Variants in LRRC4C observed in about 807,000 individuals in gnomAD.
LRRC4C encodes leucine-rich repeat-containing protein 4C.
A neutral mutation model predicts 33.6 loss-of-function variants in LRRC4C; 5 were observed. The ratio of observed to expected loss-of-function variants is 0.15; its 90% CI spans 0.08 to 0.31. The LOEUF (loss-of-function observed/expected upper bound fraction) is 0.31, where lower values mean the gene tolerates loss of function less well. Among genes scored for constraint, LRRC4C ranks in the 10% least tolerant of loss-of-function variants. LRRC4C has a pLI of 1.00. For synonymous variants in LRRC4C, 329 were observed against 302.0 expected, an observed-to-expected ratio of 1.09 and a Z score of -0.93; for missense variants, 560 against 796.7, an observed-to-expected ratio of 0.70 and a Z score of 3.58.
intron 2 of LRRC4C, among the ~76,000 whole-genome samples, chr11:40,681,744 A>G (rs1256370765): frequency 1.3e-5 from 2 of 152,154 alleles, no homozygotes; most frequent in African/African-American, 2.4e-5. Context: ...TACAAAAAAT[A>G]TGATGGAATA....
At chr11:40,971,588 G>T (rs891210400) in intron 1 of LRRC4C, among the ~76,000 whole-genome samples, 4 of 152,152 alleles carry the variant, frequency 2.6e-5, no homozygotes, top group African/African-American at 9.7e-5. Context: ...TGGAAAATAT[G>T]GGTTTGGAGC....
At chr11:40,502,239 CCT>C (rs1317371171) in intron 3 of LRRC4C, among the ~76,000 whole-genome samples, 1 of 152,170 alleles carries the variant, frequency 6.6e-6, no homozygotes, top group East Asian at 1.9e-4. Flanking sequence ...CCCACATTTT[CCT>C]GTCTTCTTCT....
chr11:41,013,468 C>T, intron 1 of LRRC4C, among the ~76,000 whole-genome samples: 1 of 152,090 alleles, frequency 6.6e-6, no homozygotes, highest in East Asian at 1.9e-4. Context: ...TTTGATAAAA[C>T]TAATCTGTGA....
chr11:41,338,089 T>G (rs755764907), intron 1 of LRRC4C, among the ~76,000 whole-genome samples: 3 of 152,102 alleles, frequency 2.0e-5, no homozygotes, highest in Non-Finnish European at 4.4e-5. Context: ...TGTTGGTAGG[T>G]TAAATGGTTA....
intron 5 of LRRC4C, among the ~76,000 whole-genome samples, chr11:40,222,958 G>T (rs1163264442): frequency 6.6e-6 from 1 of 151,798 alleles, no homozygotes; most frequent in African/African-American, 2.4e-5. Context: ...CAGGAAAGTG[G>T]CCAAGCATTA....
intron 3 of LRRC4C, among the ~76,000 whole-genome samples, chr11:40,478,209 T>A (rs1953346902): frequency 6.6e-6 from 1 of 152,222 alleles, no homozygotes; most frequent in Admixed American, 6.5e-5. Context: ...TCACTGGTTC[T>A]CTTATTCCCT....
At chr11:41,231,702 C>A (rs1023600919) in intron 1 of LRRC4C, among the ~76,000 whole-genome samples, 6 of 151,662 alleles carry the variant, frequency 4.0e-5, no homozygotes, top group Admixed American at 2.0e-4. Flanking sequence ...CAACATGGCA[C>A]GTGTATACAT....
chr11:41,445,051 C>G (rs1437943324), intron 1 of LRRC4C, among the ~76,000 whole-genome samples: 1 of 152,162 alleles, frequency 6.6e-6, no homozygotes, highest in African/African-American at 2.4e-5. Context: ...GATCCGCCTG[C>G]CTTGGCCTCC....
intron 6 of LRRC4C, among the ~76,000 whole-genome samples, chr11:40,125,810 A>G (rs551514554): frequency 6.6e-6 from 1 of 152,310 alleles, no homozygotes; most frequent in African/African-American, 2.4e-5. Flanking sequence ...AAAACAAAGC[A>G]ACGAATTAAA....
intron 1 of LRRC4C, among the ~76,000 whole-genome samples, chr11:41,389,568 A>G (rs1366870185): frequency 7.3e-6 from 1 of 137,648 alleles, no homozygotes; most frequent in Non-Finnish European, 1.5e-5. Context: ...AATTGCACCA[A>G]AGATATACTT....
chr11:41,346,671 C>T (rs570828472), intron 1 of LRRC4C, among the ~76,000 whole-genome samples: 1 of 152,250 alleles, frequency 6.6e-6, no homozygotes, highest in Admixed American at 6.5e-5. Flanking sequence ...AATGCACTCC[C>T]CTATTAGAAT....
chr11:40,707,439 A>T (rs1946225836), intron 2 of LRRC4C, among the ~76,000 whole-genome samples: 2 of 152,132 alleles, frequency 1.3e-5, no homozygotes, highest in Non-Finnish European at 2.9e-5. Flanking sequence ...AATTTTGTTG[A>T]AGGCCTTTTC....
intron 5 of LRRC4C, among the ~76,000 whole-genome samples, chr11:40,229,759 A>G (rs139120835): frequency 2.8e-3 from 431 of 152,286 alleles, no homozygotes; most frequent in African/African-American, 9.9e-3. Flanking sequence ...TTTTCTTTTT[A>G]AAGCCTGCAA....
intron 2 of LRRC4C, among the ~76,000 whole-genome samples, chr11:40,911,296 G>A (rs192828599): frequency 8.3e-4 from 126 of 152,274 alleles, no homozygotes; most frequent in African/African-American, 3.0e-3. Flanking sequence ...AGGCACCCCC[G>A]AGTAGGGGCA....
chr11:40,943,430 A>G (rs1958246910), intron 1 of LRRC4C, among the ~76,000 whole-genome samples: 1 of 152,066 alleles, frequency 6.6e-6, no homozygotes. Flanking sequence ...ACAAAGAAAA[A>G]CCATTTACCT....
intron 2 of LRRC4C, among the ~76,000 whole-genome samples, chr11:40,736,751 C>A (rs943879138): frequency 3.3e-5 from 5 of 151,958 alleles, no homozygotes; most frequent in Non-Finnish European, 5.9e-5. Flanking sequence ...ATTTGCATTT[C>A]TTGAATGACC....
chr11:41,282,900 A>G (rs1439468104), intron 1 of LRRC4C, among the ~76,000 whole-genome samples: 1 of 152,164 alleles, frequency 6.6e-6, no homozygotes, highest in African/African-American at 2.4e-5. Flanking sequence ...ACCCAAGGAA[A>G]CTGGTATTCT....
At chr11:40,298,272 C>T (rs999803886) in intron 4 of LRRC4C, among the ~76,000 whole-genome samples, 1 of 151,870 alleles carries the variant, frequency 6.6e-6, no homozygotes, top group Non-Finnish European at 1.5e-5. Context: ...CATTTGAAAT[C>T]TTAATAGCTG....
intron 1 of LRRC4C, among the ~76,000 whole-genome samples, chr11:41,176,922 G>A (rs544819124): frequency 7.9e-5 from 12 of 152,126 alleles, no homozygotes; most frequent in East Asian, 3.9e-4. Context: ...CTGAGATTGC[G>A]CCACTGCACT....
Sources: gnomAD v4.1 joint callset for allele counts (sites outside exome capture counted in the v4.1 genomes callset) on GRCh38, gnomAD v4.1.1 for gene constraint, MANE v1.5 for transcripts, NCBI Gene and HGNC (gene_info 2026-07-23, HGNC 2026-07-21) for gene names.